The following GABRR1 variants were observed in gnomAD, a reference collection of about 807,000 sequenced individuals.
GABRR1 encodes the protein gamma-aminobutyric acid receptor subunit rho-1.
Under a neutral mutation model 55.5 loss-of-function variants are expected in GABRR1, and 59 were observed. The observed-to-expected ratio is 1.06, with a 90% CI of 0.86 to 1.32. GABRR1 has a LOEUF of 1.32. Among genes scored for constraint, GABRR1 ranks in the 40% most tolerant of loss-of-function variants. The pLI, the probability that GABRR1 is intolerant of heterozygous loss-of-function variation, is 0.00. For synonymous variants in GABRR1, 213 were observed against 226.0 expected (o/e 0.94, Z 0.51); for missense variants, 602 against 619.1 (o/e 0.97, Z 0.29).
intron 5 of GABRR1, among the ~76,000 whole-genome samples, chr6:89,196,879 G>GAAAGAA (rs59573364): frequency 7.3e-6 from 1 of 137,678 alleles, no homozygotes; most frequent in Non-Finnish European, 1.5e-5. Flanking sequence ...AAGAAAGAAA[G>GAAAGAA]AGAAGAGAAG....
intron 3 of GABRR1, among the ~76,000 whole-genome samples, chr6:89,199,968 T>C (rs1209710379): frequency 6.6e-6 from 1 of 152,168 alleles, no homozygotes; most frequent in Non-Finnish European, 1.5e-5. Flanking sequence ...TTAGATTTTT[T>C]GTTATTTCTG....
chr6:89,194,079 A>C (rs1308453637), intron 5 of GABRR1, among the ~76,000 whole-genome samples: 4 of 152,200 alleles, frequency 2.6e-5, no homozygotes, highest in African/African-American at 7.2e-5. Flanking sequence ...TGATTGCCTG[A>C]AGGGAGAAAT....
In GABRR1 at chr6:89,180,277, G is replaced by T. The variant is rs368453912; in HGVS notation, c.1146+15C>A. ...TCCATCCTGACCAGACACTATAAGCGCATGGCAAAGTCACCTTCTCCCGCA... is the reference window on the plus strand; with the variant it reads ...TCCATCCTGACCAGACACTATAAGCTCATGGCAAAGTCACCTTCTCCCGCA... On this transcript the variant is annotated intron_variant, in intron 9 of 9. Coordinates refer to ENST00000454853, the MANE Select transcript of GABRR1 (RefSeq NM_002042.5). The T allele has an allele frequency of 1.2e-5, 19 of 1,611,764 alleles. No homozygotes were observed. The South Asian group carries it at 2.1e-4, about 18-fold the overall frequency.
Position 89,178,613 on chromosome 6 carries a change from C to G in GABRR1, c.*157G>C, listed in dbSNP as rs1424918093. ...AAGTGCAAATTAAACCAGTAAGTGT[C>G]TCGTCAATGTAGCTTTGGAAAGCTG... On this transcript the variant is annotated 3_prime_UTR_variant, in exon 10 of 10. Transcript: ENST00000454853. 3.2e-6 allele frequency: 2 copies of G among 634,834 alleles called. No individual in the cohort carries two copies. Among genetic ancestry groups the G allele is most frequent in the East Asian group, 2.7e-5 (1 of 36,636 alleles). The allele number at this position is 634,834 out of a possible 1,614,324, so 39.3% of individuals were successfully genotyped here.
intron 5 of GABRR1, among the ~76,000 whole-genome samples, chr6:89,196,416 G>A (rs1159499094): frequency 6.6e-6 from 1 of 152,014 alleles, no homozygotes; most frequent in African/African-American, 2.4e-5. Flanking sequence ...TGTAGCCTTG[G>A]TGGTGCCATT....
chr6:89,189,465 A>T (rs1346801540), intron 6 of GABRR1, among the ~76,000 whole-genome samples: 3 of 129,736 alleles, frequency 2.3e-5, no homozygotes, highest in African/African-American at 8.8e-5. Flanking sequence ...GAACAATGAG[A>T]TCACATGGAC....
upstream of GABRR1, chr6:89,217,649 G>C (rs753619071): frequency 1.9e-5 from 4 of 216,166 alleles, no homozygotes; most frequent in Non-Finnish European, 3.7e-5. Context: ...CTGGTGCGTC[G>C]AATAAAAGGA....
rs779163204 is a variant in GABRR1 at position 89,180,481 on chromosome 6, T to A, written c.957A>T (p.Thr319=). 1.2e-6 allele frequency: 2 copies of A among 1,612,808 alleles called. No individual in the cohort carries two copies. Among genetic ancestry groups the A allele is most frequent in the East Asian group, 4.5e-5 (2 of 44,890 alleles). ...TGATGGTGGACATGGTCAGCACCGT[T>A]GTGATACCTGCAAACACAAGAATGA... The part of the protein sequence containing the change: ...AVPARVPLGI[T]TVLTMSTIIT... The change falls in exon 9 of 10, where the codon ACA becomes ACT. Residue 319 remains threonine, a synonymous_variant. Coordinates refer to ENST00000454853, the MANE Select transcript of GABRR1 (RefSeq NM_002042.5).
intron 1 of GABRR1, among the ~76,000 whole-genome samples, chr6:89,209,265 T>G (rs1293697536): frequency 1.3e-5 from 2 of 152,062 alleles, no homozygotes; most frequent in African/African-American, 2.4e-5. Flanking sequence ...GTTACTTTAT[T>G]TTTTTTAATT....
intron 6 of GABRR1, among the ~76,000 whole-genome samples, chr6:89,187,555 C>T (rs1771944819): frequency 6.6e-6 from 1 of 152,080 alleles, no homozygotes; most frequent in Non-Finnish European, 1.5e-5. Flanking sequence ...TACCACCATC[C>T]ATCTCCAGAA....
intron 1 of GABRR1, among the ~76,000 whole-genome samples, chr6:89,215,015 A>C (rs1350293776): frequency 6.6e-6 from 1 of 152,200 alleles, no homozygotes; most frequent in Admixed American, 6.5e-5. Context: ...CAAAAAACAA[A>C]ACAAAATTAA....
chr6:89,226,050 G>A (rs1248775263), intron 1 of GABRR1, among the ~76,000 whole-genome samples: 3 of 151,840 alleles, frequency 2.0e-5, no homozygotes, highest in African/African-American at 7.3e-5. Flanking sequence ...TTTTTTGGCT[G>A]CATAAATGTC....
intron 4 of GABRR1, among the ~76,000 whole-genome samples, chr6:89,198,811 T>A (rs1485092857): frequency 6.6e-6 from 1 of 152,168 alleles, no homozygotes; most frequent in African/African-American, 2.4e-5. Context: ...GTTCTGGTGT[T>A]TCCCAGGATC....
intron 1 of GABRR1, among the ~76,000 whole-genome samples, chr6:89,216,227 C>T (rs1772976909): frequency 6.6e-6 from 1 of 152,192 alleles, no homozygotes; most frequent in African/African-American, 2.4e-5. Context: ...CCCTCCAGCC[C>T]CAGAAGGAGG....
At chr6:89,182,740 G>A (rs1057101880) in intron 7 of GABRR1, among the ~76,000 whole-genome samples, 5 of 151,972 alleles carry the variant, frequency 3.3e-5, no homozygotes, top group South Asian at 2.1e-4. Context: ...AGCTGGGCGC[G>A]GTGGCTCATG....
chr6:89,186,230 T>C (rs529481703), intron 6 of GABRR1, among the ~76,000 whole-genome samples: 1 of 152,384 alleles, frequency 6.6e-6, no homozygotes, highest in Non-Finnish European at 1.5e-5. Context: ...GTCAGTTTCA[T>C]GTGTCAACCT....
chr6:89,190,188 G>A lies in GABRR1; in HGVS notation c.632C>T (p.Thr211Met), dbSNP rs1017415187. ...DFSRFPLDTQ[T>M]CSLEIESYAY... ...ACAGCTTTCAATTTCAAGAGAGCAC[G>A]TTTGTGTGTCCAAGGGAAATCGGCT... Residue 211 changes from threonine to methionine, a missense_variant, in exon 6 of 10, where the codon ACG becomes ATG. Physicochemically the swap from Thr to Met is moderately conservative, Grantham distance 81. This residue lies in a region of GABRR1 where 435 missense variants were observed against 424.2 expected (regional missense o/e 1.03). Transcript: ENST00000454853. The A allele has an allele frequency of 3.1e-5, 50 of 1,610,478 alleles. No homozygotes were observed. Among genetic ancestry groups the A allele is most frequent in the African/African-American group, 4.0e-5 (3 of 74,910 alleles).
At chr6:89,205,533 CA>C (rs1293970481) in intron 1 of GABRR1, 1 of 152,210 alleles carries the variant, frequency 6.6e-6, no homozygotes, top group Non-Finnish European at 1.5e-5. Flanking sequence ...GATCAAATGA[CA>C]AATTCCAACC....
intron 9 of GABRR1, 76 bp downstream of exon 9, chr6:89,180,216 G>C: frequency 1.3e-6 from 2 of 1,504,798 alleles, no homozygotes; most frequent in East Asian, 4.6e-5. Flanking sequence ...TACAGAGAAG[G>C]TCTGCCCTGC....
Sources: gnomAD v4.1 joint callset for allele counts (sites outside exome capture counted in the v4.1 genomes callset) on GRCh38, gnomAD v4.1.1 for gene constraint, gnomAD v4.1.1 regional missense constraint, MANE v1.5 for transcripts, NCBI Gene and HGNC (gene_info 2026-07-23, HGNC 2026-07-21) for gene names.